TMPO: variants seen among roughly 807,000 people sequenced by gnomAD.
TMPO encodes LEM domain containing 4.
Under a neutral mutation model 45.4 loss-of-function variants are expected in TMPO, and 22 were observed. The observed-to-expected ratio is 0.48, with a 90% CI of 0.35 to 0.69. The LOEUF (loss-of-function observed/expected upper bound fraction) is 0.69. TMPO is among the 30% of genes least tolerant of loss of function. The pLI is 0.01. For synonymous variants in TMPO, 241 were observed against 204.1 expected, an observed-to-expected ratio of 1.18 and a Z score of -1.54; for missense variants, 512 against 548.8, an observed-to-expected ratio of 0.93 and a Z score of 0.67.
intron 1 of TMPO, among the ~76,000 whole-genome samples, chr12:98,518,497 T>A (rs7312141): frequency 7.4e-6 from 1 of 134,436 alleles, no homozygotes; most frequent in African/African-American, 2.9e-5. Flanking sequence ...TTTTTTTTGG[T>A]ACACAGGCTT....
At chr12:98,522,781 G>T (rs1239979463) in intron 1 of TMPO, among the ~76,000 whole-genome samples, 1 of 152,226 alleles carries the variant, frequency 6.6e-6, no homozygotes, top group Non-Finnish European at 1.5e-5. Flanking sequence ...TGAAGAGCAT[G>T]CTTGAACCTC....
At chr12:98,535,580 G>A in intron 3 of TMPO, 1 of 985,350 alleles carries the variant, frequency 1.0e-6, no homozygotes, top group Non-Finnish European at 1.2e-6. Context: ...TTTTAAAAAT[G>A]TATTACTGTA....
chr12:98,532,962 T>TACCGA, intron 3 of TMPO: 6 of 1,614,154 alleles, frequency 3.7e-6, no homozygotes, highest in Non-Finnish European at 5.1e-6. Context: ...CTTTGGGCAG[T>TACCGA]ACCGAACTAC....
Position 98,534,511 on chromosome 12 carries a change from C to CT in TMPO, c.565+2677dup, listed in dbSNP as rs1389052246. 3.5e-6 allele frequency: 5 copies of CT among 1,429,026 alleles called. No homozygotes were observed. The South Asian group carries it at 4.4e-5, about 13-fold the overall frequency. 88.5% of individuals were successfully genotyped at this position (1,429,026 alleles called of 1,614,324 possible). A position where few individuals can be genotyped will look rare whatever the true frequency, so the allele number is the denominator to read the frequency against. On this transcript the variant is annotated intron_variant, in intron 3 of 8. Coordinates refer to ENST00000556029, the MANE Select transcript of TMPO (RefSeq NM_001032283.3). ...TAATTGCCTGTGTAGAACTACTTGT[C>CT]TTTTCTAAAGATTTGCGTAGATAGG...
rs1356717047 is a variant in TMPO, at chr12:98,516,091, C to T, written c.224C>T (p.Pro75Leu). The change falls in exon 1 of 9, where the codon CCG (proline) becomes CTG (leucine). Residue 75 changes from proline to leucine, a missense_variant. This residue lies in a region of TMPO where 299 missense variants were observed against 296.7 expected (regional missense o/e 1.01). Coordinates refer to ENST00000556029, the MANE Select transcript of TMPO (RefSeq NM_001032283.3). ...FSSDEEREPT[P>L]VLGSGAAAAG... The stretch of plus-strand genomic sequence containing the variant: ...AGTGACGAAGAGCGCGAGCCCACCC[C>T]GGTCCTCGGCTCTGGGGCCGCCGCC... The T allele has an allele frequency of 8.2e-6, 13 of 1,587,842 alleles. No individual in the cohort carries two copies. The highest frequency in any genetic ancestry group is 1.1e-5 in the South Asian group (1 of 89,164).
chr12:98,546,486 G>A (rs771253849), intron 8 of TMPO, 39 bp downstream of exon 8: 3 of 1,352,148 alleles, frequency 2.2e-6, no homozygotes, highest in Non-Finnish European at 3.2e-6. Context: ...GTGTATTCTA[G>A]TAGGGAATCT....
At chr12:98,534,826 T>C (rs1221794723) in intron 3 of TMPO, 1 of 1,002,556 alleles carries the variant, frequency 1.0e-6, no homozygotes, top group African/African-American at 1.7e-5. Flanking sequence ...CATATTTTCT[T>C]ACTTTTCTTT....
chr12:98,527,656 A>T (rs1876879194), intron 1 of TMPO: 1 of 500,300 alleles, frequency 2.0e-6, no homozygotes, highest in East Asian at 3.6e-5. Context: ...GACTATTTTA[A>T]CAACAATGTC....
Position 98,544,309 on chromosome 12 carries a change from G to A in TMPO, c.743G>A (p.Arg248Lys). The change falls in exon 5 of 9, where the codon AGG becomes AAG. Residue 248 changes from arginine to lysine, a missense_variant. This residue lies in a region of TMPO where 4 missense variants were observed against 17.1 expected (regional missense o/e 0.23). Coordinates refer to ENST00000556029, the MANE Select transcript of TMPO (RefSeq NM_001032283.3). Reference sequence around the variant, plus strand: ...GGCGGACCTCTGCAGGCATTAACTAGGGAATCTACAAGAGGGTCAAGAAGA... The same window carrying A: ...GGCGGACCTCTGCAGGCATTAACTAAGGAATCTACAAGAGGGTCAAGAAGA... ...SKGGPLQALT[R>K]ESTRGSRRTP... is the part of the protein sequence containing the mutation. 1 of 1,613,990 alleles carries A rather than the reference G, an allele frequency of 6.2e-7. No homozygotes were observed. Among genetic ancestry groups the A allele is most frequent in the Non-Finnish European group, 8.5e-7 (1 of 1,179,898 alleles).
In TMPO at chr12:98,525,682, A is replaced by G. The variant is rs748173591; in HGVS notation, c.280-2204A>G. ...CTTGGACCTTGGATGCAGAGGTTGC[A>G]GTGAGCCAAGATTGCGCCACTGCAC... On this transcript the variant is annotated intron_variant, in intron 1 of 8. Coordinates refer to ENST00000556029, the MANE Select transcript of TMPO (RefSeq NM_001032283.3). 1.6e-4 allele frequency among the ~76,000 whole-genome samples: 24 copies of G among 151,292 alleles called. 1 individual carries two copies. The South Asian group carries it at 3.4e-3, about 21-fold the overall frequency.
At position 98,527,961 on chromosome 12, in the gene TMPO, G is replaced by T. The variant is rs113967157; in HGVS notation, c.355G>T (p.Asp119Tyr). The T allele has an allele frequency of 6.2e-7, 1 of 1,613,906 alleles. No homozygotes were observed. Among genetic ancestry groups the T allele is most frequent in the East Asian group, 2.2e-5 (1 of 44,806 alleles). The change falls in exon 2 of 9, where the codon GAT (aspartate) becomes TAT (tyrosine). Residue 119 changes from aspartate (D) to tyrosine (Y), a missense_variant. Transcript: ENST00000556029. ...AGATGTAACAGAGCTCACTAATGAAGATCTTTTGGATCAGCTTGTGAAATA... is the reference window on the plus strand; with the variant it reads ...AGATGTAACAGAGCTCACTAATGAATATCTTTTGGATCAGCTTGTGAAATA... ...DLDVTELTNE[D>Y]LLDQLVKYGV... is the part of the protein sequence containing the mutation.
At position 98,520,733 on chromosome 12, in the gene TMPO, C is replaced by T. The variant is rs574077184; in HGVS notation, c.279+4587C>T. Among the ~76,000 whole-genome samples, 461 of 152,012 alleles carry T rather than the reference C, an allele frequency of 3.0e-3. 2 individuals are homozygous for T. Among genetic ancestry groups the T allele is most frequent in the Non-Finnish European group, 5.8e-3 (397 of 67,980 alleles). On this transcript the variant is annotated intron_variant, in intron 1 of 8. Coordinates refer to ENST00000556029, the MANE Select transcript of TMPO (RefSeq NM_001032283.3). ...CTGCCTAGCTGAGACTACAGGTGCC[C>T]GCCACCACGCCTGGCTAATTTTATG... is the stretch of plus-strand genomic sequence containing the variant.
intron 7 of TMPO, among the ~76,000 whole-genome samples, chr12:98,545,706 A>G (rs1878189964): frequency 1.3e-5 from 2 of 152,120 alleles, no homozygotes. Flanking sequence ...ATCTTTTACT[A>G]CAGAATTCTT....
In TMPO at chr12:98,533,070, C is replaced by T. The variant is rs369897433; in HGVS notation, c.565+1232C>T. 12 of 1,613,604 alleles carry T rather than the reference C, an allele frequency of 7.4e-6. No individual in the cohort carries two copies. Among genetic ancestry groups the T allele is most frequent in the African/African-American group, 2.7e-5 (2 of 74,886 alleles). Reference sequence around the variant, plus strand: ...GCAGGGGACAGTTGCAGAAGTTAGCCTCTGAAAGGAATTTGTTTATTTCAT... The same window carrying T: ...GCAGGGGACAGTTGCAGAAGTTAGCTTCTGAAAGGAATTTGTTTATTTCAT... On this transcript the variant is annotated intron_variant, in intron 3 of 8. Transcript: ENST00000556029.
At chr12:98,539,582 T>C (rs1877791487) in intron 4 of TMPO, among the ~76,000 whole-genome samples, 1 of 151,288 alleles carries the variant, frequency 6.6e-6, no homozygotes. Flanking sequence ...CAAGCAGTTC[T>C]CCTGCTTCAG....
Position 98,531,853 on chromosome 12 carries a change from G to C in TMPO, c.565+15G>C. 6.2e-7 allele frequency: 1 copy of C among 1,605,884 alleles called. No individual in the cohort carries two copies. The highest frequency in any genetic ancestry group is 8.5e-7 in the Non-Finnish European group (1 of 1,175,214). On this transcript the variant is annotated intron_variant, in intron 3 of 8. Transcript: ENST00000556029. ...CAATGAAGAAGGTAAAATTTTAAAT[G>C]ATGTTAATCAAATGTATGGAATTTT... is the stretch of plus-strand genomic sequence containing the variant.
chr12:98,538,552 C>T (rs1334581946), intron 4 of TMPO, among the ~76,000 whole-genome samples: 1 of 152,038 alleles, frequency 6.6e-6, no homozygotes, highest in Admixed American at 6.6e-5. Context: ...GGGGTTTCAC[C>T]GTGTTGGCCA....
intron 7 of TMPO, 39 bp downstream of exon 7, chr12:98,545,100 TTTC>T: frequency 6.6e-6 from 9 of 1,369,034 alleles, no homozygotes; most frequent in Non-Finnish European, 9.3e-6. Context: ...ATCATTGATC[TTTC>T]AAAGAGGAAA....
intron 1 of TMPO, 167 bp downstream of exon 1, chr12:98,516,313 G>A (rs1875813581): frequency 2.4e-6 from 3 of 1,231,238 alleles, no homozygotes; most frequent in African/African-American, 3.1e-5. Context: ...TGCAGGCGCC[G>A]GAGCGGAGAG....
Sources: gnomAD v4.1 joint callset for allele counts (sites outside exome capture counted in the v4.1 genomes callset) on GRCh38, gnomAD v4.1.1 for gene constraint, gnomAD v4.1.1 regional missense constraint, MANE v1.5 for transcripts, NCBI Gene and HGNC (gene_info 2026-07-23, HGNC 2026-07-21) for gene names.